The following CSMD1 variants were observed in gnomAD, a reference collection of about 807,000 sequenced individuals.
CSMD1 encodes the protein CUB and Sushi multiple domains 1.
A neutral mutation model predicts 417.5 loss-of-function variants in CSMD1; 213 were observed. The observed-to-expected ratio is 0.51, with a 90% CI of 0.46 to 0.57. CSMD1 has a LOEUF of 0.57. CSMD1 is among the 20% of genes least tolerant of loss of function. CSMD1 has a pLI of 0.00. For synonymous variants in CSMD1, 2,862 were observed against 1,736.8 expected (o/e 1.65, Z -16.11); for missense variants, 6,923 against 4,529.7 (o/e 1.53, Z -15.17).
At chr8:4,593,340 C>G (rs1800085316) in intron 2 of CSMD1, among the ~76,000 whole-genome samples, 1 of 152,118 alleles carries the variant, frequency 6.6e-6, no homozygotes, top group Non-Finnish European at 1.5e-5. Flanking sequence ...TGCAGCATGG[C>G]TAAATCCTTG....
intron 10 of CSMD1, chr8:3,515,169 G>C (rs186528292): frequency 1.3e-5 from 2 of 152,140 alleles, no homozygotes; most frequent in Admixed American, 1.3e-4. Context: ...AGTCATGAAA[G>C]TCCTACTCTC....
At chr8:4,661,323 A>G (rs1408295841) in intron 1 of CSMD1, among the ~76,000 whole-genome samples, 2 of 152,234 alleles carry the variant, frequency 1.3e-5, no homozygotes, top group Admixed American at 6.5e-5. Flanking sequence ...CAGACTGCTG[A>G]CTGATACATG....
intron 3 of CSMD1, among the ~76,000 whole-genome samples, chr8:4,082,932 A>G (rs1256923007): frequency 6.6e-6 from 1 of 151,832 alleles, no homozygotes; most frequent in African/African-American, 2.4e-5. Flanking sequence ...TGTCCTTACA[A>G]AGGACATGAA....
chr8:3,490,739 C>T (rs1818324661), intron 11 of CSMD1, among the ~76,000 whole-genome samples: 1 of 152,160 alleles, frequency 6.6e-6, no homozygotes, highest in South Asian at 2.1e-4. Flanking sequence ...TTTCTATCCA[C>T]TGTAGTGCTG....
Position 4,245,067 on chromosome 8 carries a change from A to C in CSMD1, c.415+174886T>G, listed in dbSNP as rs1243713166. On this transcript the variant is annotated intron_variant, in intron 3 of 69. Coordinates refer to ENST00000635120, the MANE Select transcript of CSMD1 (RefSeq NM_033225.6). ...TCATTAGAAAATGTGTATTATAGCT[A>C]TTTTGCCAACCTGTCTGGAATGAAT... Among the ~76,000 whole-genome samples, 4 of 152,250 alleles carry C rather than the reference A, an allele frequency of 2.6e-5. No homozygotes were observed. The East Asian group carries it at 5.8e-4, about 22-fold the overall frequency.
intron 5 of CSMD1, among the ~76,000 whole-genome samples, chr8:3,986,715 T>A (rs1460136973): frequency 6.6e-6 from 1 of 152,154 alleles, no homozygotes; most frequent in Non-Finnish European, 1.5e-5. Flanking sequence ...AAATTTATCA[T>A]GTTTCAGTTT....
chr8:3,832,854 G>A (rs927964414), intron 5 of CSMD1, among the ~76,000 whole-genome samples: 1 of 152,134 alleles, frequency 6.6e-6, no homozygotes, highest in Non-Finnish European at 1.5e-5. Flanking sequence ...GAAACACGTA[G>A]AAACATCTAT....
intron 25 of CSMD1, among the ~76,000 whole-genome samples, chr8:3,298,539 T>C (rs1213127561): frequency 1.3e-5 from 2 of 152,206 alleles, no homozygotes; most frequent in Admixed American, 6.5e-5. Flanking sequence ...CTGCAACCTC[T>C]GCCTCCCAGG....
At chr8:3,472,853 T>C (rs75474771) in intron 11 of CSMD1, among the ~76,000 whole-genome samples, 5,410 of 152,156 alleles carry the variant, frequency 0.036, 166 homozygotes, top group East Asian at 0.14. Context: ...ATTCTTTTCA[T>C]GTCACCAGTC....
intron 10 of CSMD1, among the ~76,000 whole-genome samples, chr8:3,546,907 C>T (rs936438889): frequency 5.9e-5 from 9 of 152,164 alleles, no homozygotes; most frequent in African/African-American, 1.9e-4. Flanking sequence ...GTTTCCACTG[C>T]TGCTTGAGTT....
chr8:4,551,967 A>G (rs1372963254), intron 2 of CSMD1, among the ~76,000 whole-genome samples: 9 of 151,976 alleles, frequency 5.9e-5, no homozygotes, highest in African/African-American at 2.2e-4. Flanking sequence ...GACTACAGGC[A>G]TGAGCCACTG....
intron 11 of CSMD1, among the ~76,000 whole-genome samples, chr8:3,473,471 A>G (rs1175213911): frequency 6.6e-6 from 1 of 152,188 alleles, no homozygotes; most frequent in African/African-American, 2.4e-5. Flanking sequence ...TATTTAAAAC[A>G]AAAGAACTTT....
intron 5 of CSMD1, among the ~76,000 whole-genome samples, chr8:3,757,518 T>C (rs562218112): frequency 1.3e-5 from 2 of 152,360 alleles, no homozygotes; most frequent in African/African-American, 4.8e-5. Flanking sequence ...GGGCCAGATT[T>C]GGCCTGCAGG....
At chr8:4,119,540 T>G (rs1307484225) in intron 3 of CSMD1, among the ~76,000 whole-genome samples, 1 of 152,018 alleles carries the variant, frequency 6.6e-6, no homozygotes, top group African/African-American at 2.4e-5. Context: ...AATAACCAAG[T>G]TTAGATGAGG....
At chr8:3,243,228 G>A (rs1054883772) in intron 26 of CSMD1, among the ~76,000 whole-genome samples, 16 of 152,160 alleles carry the variant, frequency 1.1e-4, no homozygotes, top group African/African-American at 3.9e-4. Flanking sequence ...GACCCGTGGT[G>A]GTAGGTGGAT....
At chr8:4,596,855 G>C in intron 2 of CSMD1, among the ~76,000 whole-genome samples, 1 of 152,120 alleles carries the variant, frequency 6.6e-6, no homozygotes, top group Non-Finnish European at 1.5e-5. Context: ...TGAATCATGG[G>C]GGCTGATCTT....
chr8:4,041,962 C>T (rs1797915337), intron 3 of CSMD1, among the ~76,000 whole-genome samples: 1 of 151,704 alleles, frequency 6.6e-6, no homozygotes, highest in African/African-American at 2.4e-5. Flanking sequence ...TAAAATGAAA[C>T]ATAAAAGAAA....
chr8:4,049,507 G>A (rs915004613), intron 3 of CSMD1, among the ~76,000 whole-genome samples: 6 of 150,114 alleles, frequency 4.0e-5, no homozygotes, highest in South Asian at 2.1e-4. Context: ...TTTTGAATAA[G>A]ATTGGAATCT....
chr8:3,909,076 AT>A (rs1466970527), intron 5 of CSMD1, among the ~76,000 whole-genome samples: 1 of 152,186 alleles, frequency 6.6e-6, no homozygotes, highest in Non-Finnish European at 1.5e-5. Flanking sequence ...CCTTTGGAGA[AT>A]TCTAGTGAAC....
Sources: gnomAD v4.1 joint callset for allele counts (sites outside exome capture counted in the v4.1 genomes callset) on GRCh38, gnomAD v4.1.1 for gene constraint, MANE v1.5 for transcripts, NCBI Gene and HGNC (gene_info 2026-07-23, HGNC 2026-07-21) for gene names.